Variants in PAX1 observed in about 807,000 individuals in gnomAD.
The protein encoded by PAX1 is paired box 1.
Under a neutral mutation model 35.6 loss-of-function variants are expected in PAX1, and 18 were observed. That is an observed-to-expected ratio of 0.50 (90% CI 0.35 to 0.75). The LOEUF (loss-of-function observed/expected upper bound fraction) is 0.75, where lower values mean the gene tolerates loss of function less well. PAX1 is among the 30% of genes least tolerant of loss of function. The probability of loss-of-function intolerance (pLI) is 0.01; values close to 1 mark genes in which losing one functional copy is unlikely to be tolerated. For missense variants in PAX1, 760 were observed against 661.5 expected, an observed-to-expected ratio of 1.15 and a Z score of -1.63; for synonymous variants, 397 against 305.2, an observed-to-expected ratio of 1.30 and a Z score of -3.14.
intron 4 of PAX1, among the ~76,000 whole-genome samples, chr20:21,709,733 G>C (rs1468531359): frequency 1.3e-5 from 2 of 152,098 alleles, no homozygotes; most frequent in Non-Finnish European, 2.9e-5. Flanking sequence ...GGACGCGTGG[G>C]TTTGGATCCG....
intron 4 of PAX1, among the ~76,000 whole-genome samples, chr20:21,713,760 C>T (rs1385803824): frequency 6.6e-6 from 1 of 152,210 alleles, no homozygotes; most frequent in East Asian, 1.9e-4. Context: ...AGAATACTGC[C>T]CGATCTGGCA....
chr20:21,706,474 T>A lies in PAX1; in HGVS notation c.323T>A (p.Val108Glu). 9.3e-6 allele frequency: 15 copies of A among 1,611,088 alleles called. No individual in the cohort carries two copies. Among genetic ancestry groups the A allele is most frequent in the Non-Finnish European group, 1.3e-5 (15 of 1,178,754 alleles). Reference protein sequence around the residue: ...TYGEVNQLGGVFVNGRPLPNA... With the variant: ...TYGEVNQLGGEFVNGRPLPNA... ...GGCGAGGTGAACCAGCTGGGCGGTG[T>A]GTTCGTCAACGGCCGCCCCCTGCCC... The change falls in exon 2 of 5, where the codon GTG becomes GAG. Residue 108 changes from valine (V) to glutamate (E), a missense_variant. Physicochemically the swap from Val to Glu is moderately radical, Grantham distance 121. This residue lies in a region of PAX1 where 48 missense variants were observed against 80.0 expected (regional missense o/e 0.60). Coordinates refer to ENST00000613128, the MANE Select transcript of PAX1 (RefSeq NM_001257096.2). This position sits in a 1 kb window ranked among gnomAD's most constrained non-coding sequence, Gnocchi z 5.3.
Position 21,715,794 on chromosome 20 carries a change from C to G in PAX1, c.*1232C>G, listed in dbSNP as rs967264647. 1.3e-5 allele frequency: 2 copies of G among 152,904 alleles called. No individual in the cohort carries two copies. Among genetic ancestry groups the G allele is most frequent in the African/African-American group, 4.8e-5 (2 of 41,452 alleles). 9.5% of individuals were successfully genotyped at this position (152,904 alleles called of 1,614,324 possible). ...AAAACAAAACAAACAACAACAACAA[C>G]AAAAACAACCCAGAAAGTATCTTCT... On this transcript the variant is annotated 3_prime_UTR_variant, in exon 5 of 5. Coordinates refer to ENST00000613128, the MANE Select transcript of PAX1 (RefSeq NM_001257096.2).
intron 4 of PAX1, 98 bp from the exon 5 acceptor site, chr20:21,714,373 C>T (rs1255945433): frequency 5.9e-6 from 5 of 848,452 alleles, no homozygotes; most frequent in African/African-American, 3.4e-5. Flanking sequence ...AAGGGTTGAG[C>T]GCTCACGACC....
At position 21,709,350 on chromosome 20, in the gene PAX1, G is replaced by T. The variant is rs1474491926; in HGVS notation, c.1188G>T (p.Ala396=). ...YLAPGPPWPP[A]QGPPLAPPGA... ...CCCCGGGCCCGCCGTGGCCGCCTGCGCAAGGTCCTCCTCTGGCGCCCCCCG... is the reference window on the plus strand; with the variant it reads ...CCCCGGGCCCGCCGTGGCCGCCTGCTCAAGGTCCTCCTCTGGCGCCCCCCG... Residue 396 remains alanine (A), a synonymous_variant, in exon 4 of 5, where the codon GCG becomes GCT. Transcript: ENST00000613128. The T allele has an allele frequency of 3.1e-6, 5 of 1,597,186 alleles. No individual in the cohort carries two copies. The highest frequency in any genetic ancestry group is 1.3e-5 in the African/African-American group (1 of 74,726).
In PAX1 at chr20:21,706,430, A is replaced by G; in HGVS notation, c.287-8A>G. 1 of 1,611,454 alleles carries G rather than the reference A, an allele frequency of 6.2e-7. No individual in the cohort carries two copies. ...CCTCCGGCTCACTCTTGTCTGGCGC[A>G]TCCGCAGAGCAGACGTATGGCGAGG... On this transcript the variant is annotated splice_region_variant and splice_polypyrimidine_tract_variant and intron_variant, in intron 1 of 4. Coordinates refer to ENST00000613128, the MANE Select transcript of PAX1 (RefSeq NM_001257096.2). This position sits in a 1 kb window ranked among gnomAD's most constrained non-coding sequence, Gnocchi z 5.3.
intron 3 of PAX1, 71 bp from the exon 4 acceptor site, chr20:21,709,151 C>G (rs1985110910): frequency 8.6e-7 from 1 of 1,165,920 alleles, no homozygotes; most frequent in Non-Finnish European, 1.3e-6. Context: ...CGAAAACCCC[C>G]GTCTCAGTGA....
rs1260929897 is a variant in PAX1 at position 21,716,990 on chromosome 20, C to A, written c.*2428C>A. The A allele has an allele frequency of 6.6e-6, 1 of 152,200 alleles. No homozygotes were observed. Among genetic ancestry groups the A allele is most frequent in the Non-Finnish European group, 1.5e-5 (1 of 68,056 alleles). 9.4% of individuals were successfully genotyped at this position (152,200 alleles called of 1,614,324 possible). The stretch of plus-strand genomic sequence containing the variant: ...AGTTGTCACCATCCCCATTTCCCTG[C>A]TATGGCCCACTTCTGTGTTTGAGCT... On this transcript the variant is annotated 3_prime_UTR_variant, in exon 5 of 5. Transcript: ENST00000613128.
chr20:21,709,588 A>G, intron 4 of PAX1, 144 bp downstream of exon 4: 2 of 640,896 alleles, frequency 3.1e-6, no homozygotes, highest in Non-Finnish European at 5.3e-6. Flanking sequence ...TTAACCTTTG[A>G]GCATGTAGCT....
At position 21,706,104 on chromosome 20, in the gene PAX1, G is replaced by A; in HGVS notation, c.286+106G>A. The A allele has an allele frequency of 2.0e-6, 2 of 1,002,646 alleles. No homozygotes were observed. The highest frequency in any genetic ancestry group is 2.9e-6 in the Non-Finnish European group (2 of 678,932). 62.1% of individuals were successfully genotyped at this position (1,002,646 alleles called of 1,614,324 possible). ...CTTTCCCTGGGCGACCCAGTCCTGG[G>A]TCCTGGAGAAGCTGCATTCTCCTCT... On this transcript the variant is annotated intron_variant, in intron 1 of 4. Transcript: ENST00000613128. The surrounding 1 kb of genome is among the most constrained non-coding windows in gnomAD (Gnocchi z 5.3).
Position 21,714,598 on chromosome 20 carries a change from G to C in PAX1, c.*36G>C. The C allele has an allele frequency of 6.4e-7, 1 of 1,560,686 alleles. No homozygotes were observed. Among genetic ancestry groups the C allele is most frequent in the Non-Finnish European group, 8.6e-7 (1 of 1,156,138 alleles). On this transcript the variant is annotated 3_prime_UTR_variant, in exon 5 of 5. Transcript: ENST00000613128. ...CCCCGGACCCGAGCCCGGAGGGAAC[G>C]GCAGGCGGACCCGGGCGCACAGGTC...
chr20:21,713,541 C>G lies in PAX1; in HGVS notation c.1283-930C>G, dbSNP rs192856044. On this transcript the variant is annotated intron_variant, in intron 4 of 4. Transcript: ENST00000613128. Reference sequence around the variant, plus strand: ...ACTTCAAATCGAGGCGCTCCAAGCTCCCCCTTTAAAGGAGGACTTGGGGAA... The same window carrying G: ...ACTTCAAATCGAGGCGCTCCAAGCTGCCCCTTTAAAGGAGGACTTGGGGAA... Among the ~76,000 whole-genome samples, 8 of 152,104 alleles carry G rather than the reference C, an allele frequency of 5.3e-5. No homozygotes were observed. The East Asian group carries it at 1.5e-3, about 29-fold the overall frequency.
In PAX1 at chr20:21,716,127, A is replaced by C. The variant is rs1985362920; in HGVS notation, c.*1565A>C. On this transcript the variant is annotated 3_prime_UTR_variant, in exon 5 of 5. Transcript: ENST00000613128. ...TTGAAATGCAGTTAATTCTGAAAAG[A>C]GTAAAATGGGCAAAAGGCAATGAGC... The C allele has an allele frequency of 6.6e-6, 1 of 152,270 alleles. No homozygotes were observed. Among genetic ancestry groups the C allele is most frequent in the African/African-American group, 2.4e-5 (1 of 41,468 alleles). The allele number at this position is 152,270 out of a possible 1,614,324, so 9.4% of individuals were successfully genotyped here.
At position 21,706,157 on chromosome 20, in the gene PAX1, GC is replaced by G. The variant is rs1984985566; in HGVS notation, c.286+160del. ...TCCCCAGCCTTCAGGGGGCAGTTGA[GC>G]AAGTCTGGGAAGGGAGTGTTCCAAG... On this transcript the variant is annotated intron_variant, in intron 1 of 4. Transcript: ENST00000613128. This position sits in a 1 kb window ranked among gnomAD's most constrained non-coding sequence, Gnocchi z 5.3. The G allele has an allele frequency of 3.8e-6, 3 of 791,558 alleles. No individual in the cohort carries two copies. The highest frequency in any genetic ancestry group is 6.4e-6 in the Non-Finnish European group (3 of 470,256). The allele number at this position is 791,558 out of a possible 1,614,324, so 49.0% of individuals were successfully genotyped here.
intron 3 of PAX1, 79 bp from the exon 4 acceptor site, chr20:21,709,143 A>C: frequency 8.9e-7 from 1 of 1,124,064 alleles, no homozygotes; most frequent in Non-Finnish European, 1.3e-6. Flanking sequence ...ATAATGGACG[A>C]AAACCCCCGT....
rs1985331086 is a variant in PAX1, at chr20:21,715,224, G to A, written c.*662G>A. ...TCCCCAACCCTCCCTCAGTCCCTGA[G>A]AGCCCTAGAGCCATCTCGGTGACAG... is the stretch of plus-strand genomic sequence containing the variant. On this transcript the variant is annotated 3_prime_UTR_variant, in exon 5 of 5. Transcript: ENST00000613128. 4.9e-6 allele frequency: 1 copy of A among 204,866 alleles called. No individual in the cohort carries two copies. The highest frequency in any genetic ancestry group is 9.8e-6 in the Non-Finnish European group (1 of 101,656). 12.7% of individuals were successfully genotyped at this position (204,866 alleles called of 1,614,324 possible).
Position 21,705,855 on chromosome 20 carries a change from GCGGCTCT to G in PAX1, c.154_160del (p.Leu52AlafsTer49). 7.3e-7 allele frequency: 1 copy of G among 1,376,464 alleles called. No individual in the cohort carries two copies. Among genetic ancestry groups the G allele is most frequent in the Non-Finnish European group, 9.4e-7 (1 of 1,060,310 alleles). The allele number at this position is 1,376,464 out of a possible 1,614,324, so 85.3% of individuals were successfully genotyped here. On this transcript the variant is annotated frameshift_variant, in exon 1 of 5. Transcript: ENST00000613128. LOFTEE classifies it high-confidence loss of function. ...GTCTCCAGCCCGCGGCTGGGCCGCC[GCGGCTCT>G]CGGCTCTCGGGCGCCCTCCCTCTAT...
Position 21,706,440 on chromosome 20 carries a change from C to A in PAX1, c.289C>A (p.Gln97Lys). ...RQLAGPLAME[Q>K]TYGEVNQLGG... ...ACTCTTGTCTGGCGCATCCGCAGAGCAGACGTATGGCGAGGTGAACCAGCT... is the reference window on the plus strand; with the variant it reads ...ACTCTTGTCTGGCGCATCCGCAGAGAAGACGTATGGCGAGGTGAACCAGCT... Residue 97 changes from glutamine (Q) to lysine (K), a missense_variant and splice_region_variant, in exon 2 of 5, where the codon CAG (glutamine) becomes AAG (lysine). Around this residue, in one of 3 missense-constraint regions of PAX1, gnomAD observed 222 missense variants for 153.0 expected, o/e 1.45. Coordinates refer to ENST00000613128, the MANE Select transcript of PAX1 (RefSeq NM_001257096.2). The surrounding 1 kb of genome is among the most constrained non-coding windows in gnomAD (Gnocchi z 5.3). 1 of 1,611,492 alleles carries A rather than the reference C, an allele frequency of 6.2e-7. No homozygotes were observed. The highest frequency in any genetic ancestry group is 8.5e-7 in the Non-Finnish European group (1 of 1,179,478).
chr20:21,713,943 T>C (rs1352402018), intron 4 of PAX1, among the ~76,000 whole-genome samples: 1 of 152,216 alleles, frequency 6.6e-6, no homozygotes, highest in Non-Finnish European at 1.5e-5. Context: ...AAATCTCTGG[T>C]GGCTCATTTC....
Sources: gnomAD v4.1 joint callset for allele counts (sites outside exome capture counted in the v4.1 genomes callset) on GRCh38, gnomAD v4.1.1 for gene constraint, gnomAD v4.1.1 regional missense constraint, Gnocchi (gnomAD v3.1) non-coding constraint, MANE v1.5 for transcripts, NCBI Gene and HGNC (gene_info 2026-07-23, HGNC 2026-07-21) for gene names.